The following LMTK2 variants were observed in gnomAD, a reference collection of about 807,000 sequenced individuals.
The protein encoded by LMTK2 is serine/threonine-protein kinase LMTK2.
LMTK2 carries 37 observed loss-of-function variants against 127.5 expected under a neutral mutation model. The ratio of observed to expected loss-of-function variants is 0.29; its 90% CI spans 0.22 to 0.38. The LOEUF is 0.38. Ranked by LOEUF, LMTK2 falls within the 10% of genes least tolerant of loss-of-function variation. LMTK2 has a pLI of 1.00. For synonymous variants in LMTK2, 819 were observed against 810.1 expected, an observed-to-expected ratio of 1.01 and a Z score of -0.19; for missense variants, 1,694 against 1,920.3, an observed-to-expected ratio of 0.88 and a Z score of 2.20.
Position 98,192,503 on chromosome 7 carries a change from G to A in LMTK2, c.2038G>A (p.Val680Ile). The stretch of plus-strand genomic sequence containing the variant: ...CAGTTTGGATAACCCCAAAGAGTCA[G>A]TCATAACAGGCCACTTTGAGAAAGA... ...SSSLDNPKES[V>I]ITGHFEKEKP... is the part of the protein sequence containing the mutation. The change falls in exon 11 of 14, where the codon GTC becomes ATC. Residue 680 changes from valine (V) to isoleucine (I), a missense_variant. By Grantham distance (29) the Val-to-Ile change is conservative. Transcript: ENST00000297293. The A allele has an allele frequency of 6.2e-7, 1 of 1,611,522 alleles. No homozygotes were observed. The highest frequency in any genetic ancestry group is 8.5e-7 in the Non-Finnish European group (1 of 1,179,426).
intron 11 of LMTK2, among the ~76,000 whole-genome samples, chr7:98,203,125 C>T (rs1242851447): frequency 6.6e-6 from 1 of 152,198 alleles, no homozygotes; most frequent in East Asian, 1.9e-4. Context: ...GCTGGAATTC[C>T]CCCTTCTCTT....
Position 98,126,873 on chromosome 7 carries a change from C to T in LMTK2, c.104-10442C>T, listed in dbSNP as rs74719583. On this transcript the variant is annotated intron_variant, in intron 1 of 13. Transcript: ENST00000297293. The stretch of plus-strand genomic sequence containing the variant: ...GGAACTCTTCCCTGTCTGTGATTAG[C>T]ACACAGAGCGATCTGTTTCTCTAGG... The T allele has an allele frequency of 1.8e-4, 27 of 152,320 alleles. No homozygotes were observed. The East Asian group carries it at 4.2e-3, about 24-fold the overall frequency. The allele number at this position is 152,320 out of a possible 1,614,324, so 9.4% of individuals were successfully genotyped here.
chr7:98,139,502 A>G (rs1332248029), intron 2 of LMTK2, among the ~76,000 whole-genome samples: 1 of 152,128 alleles, frequency 6.6e-6, no homozygotes, highest in Non-Finnish European at 1.5e-5. Context: ...GCTGCTGCCA[A>G]ATTTTGAATG....
chr7:98,184,824 CT>C (rs764031559), intron 7 of LMTK2, among the ~76,000 whole-genome samples: 106 of 152,316 alleles, frequency 7.0e-4, no homozygotes, highest in African/African-American at 2.2e-3. Context: ...AGTATTTAAC[CT>C]GAGCTAGTTA....
Position 98,191,784 on chromosome 7 carries a change from A to C in LMTK2, c.1319A>C (p.Asn440Thr). 1 of 1,614,170 alleles carries C rather than the reference A, an allele frequency of 6.2e-7. No individual in the cohort carries two copies. The highest frequency in any genetic ancestry group is 8.5e-7 in the Non-Finnish European group (1 of 1,180,026). ...AACACAAACAGCAGAGACTCCTCCA[A>C]CAATGCTGCATTCCCAATTCTCGAC... ...KPNTNSRDSS[N>T]NAAFPILDHF... The change falls in exon 11 of 14, where the codon AAC becomes ACC. Residue 440 changes from asparagine to threonine, a missense_variant. Coordinates refer to ENST00000297293, the MANE Select transcript of LMTK2 (RefSeq NM_014916.4).
chr7:98,157,430 A>G (rs1016912748), intron 5 of LMTK2, among the ~76,000 whole-genome samples: 24 of 152,154 alleles, frequency 1.6e-4, no homozygotes, highest in Non-Finnish European at 1.5e-5. Context: ...GTGACACACA[A>G]AATTAACCGT....
chr7:98,129,107 G>C (rs1524267), intron 1 of LMTK2, among the ~76,000 whole-genome samples: 151,529 of 152,262 alleles, frequency 1, 75,403 homozygotes, highest in Middle Eastern at 1. Context: ...CAGTCTCACT[G>C]TGTCACCCAG....
At chr7:98,140,618 G>T (rs959869516) in intron 2 of LMTK2, among the ~76,000 whole-genome samples, 20 of 151,932 alleles carry the variant, frequency 1.3e-4, no homozygotes, top group South Asian at 4.2e-4. Context: ...CAGAGAAATA[G>T]AACTCACTTA....
rs1797742644 is a variant in LMTK2, at chr7:98,203,667, A to C, written c.4201A>C (p.Ser1401Arg). 2.5e-6 allele frequency: 4 copies of C among 1,613,854 alleles called. No homozygotes were observed. The East Asian group carries it at 8.9e-5, about 36-fold the overall frequency. The change falls in exon 12 of 14, where the codon AGC (serine) becomes CGC (arginine). Residue 1401 changes from serine (S) to arginine (R), a missense_variant. This residue lies in a region of LMTK2 where 554 missense variants were observed against 567.7 expected (regional missense o/e 0.98). Coordinates refer to ENST00000297293, the MANE Select transcript of LMTK2 (RefSeq NM_014916.4). ...PAPASGSPYL[S>R]RCINSESSTD... ...CCCAGCCTCAGGCTCTCCCTACCTG[A>C]GCAGGTGCATCAACTCCGAAAGCTC...
chr7:98,157,433 TTAACC>T (rs1796943026), intron 5 of LMTK2, among the ~76,000 whole-genome samples: 1 of 152,068 alleles, frequency 6.6e-6, no homozygotes. Flanking sequence ...ACACACAAAA[TTAACC>T]GTCACATCAT....
At chr7:98,122,576 G>A (rs1258990377) in intron 1 of LMTK2, among the ~76,000 whole-genome samples, 1 of 151,856 alleles carries the variant, frequency 6.6e-6, no homozygotes, top group East Asian at 1.9e-4. Flanking sequence ...CCCTTTCCTG[G>A]CAGCTGCAGC....
intron 3 of LMTK2, among the ~76,000 whole-genome samples, chr7:98,147,968 C>CT (rs1469158310): frequency 6.6e-6 from 1 of 151,962 alleles, no homozygotes; most frequent in Non-Finnish European, 1.5e-5. Flanking sequence ...AATTCCAGCA[C>CT]TTTGAGAGGC....
intron 6 of LMTK2, among the ~76,000 whole-genome samples, chr7:98,170,075 A>G (rs1182388045): frequency 6.6e-6 from 1 of 152,226 alleles, no homozygotes; most frequent in East Asian, 1.9e-4. Context: ...TTCACTTGCT[A>G]AATAGACCTT....
At chr7:98,120,419 A>G (rs1796344348) in intron 1 of LMTK2, among the ~76,000 whole-genome samples, 1 of 152,182 alleles carries the variant, frequency 6.6e-6, no homozygotes, top group Admixed American at 6.6e-5. Flanking sequence ...TCTTGGACTT[A>G]GAAGATAAAG....
intron 11 of LMTK2, among the ~76,000 whole-genome samples, chr7:98,203,317 TGC>T (rs1271524433): frequency 6.6e-6 from 1 of 152,246 alleles, no homozygotes; most frequent in African/African-American, 2.4e-5. Context: ...CTGCCGCTCG[TGC>T]CCGCCTGCCT....
At chr7:98,107,784 A>G (rs530638768) in intron 1 of LMTK2, among the ~76,000 whole-genome samples, 12 of 152,282 alleles carry the variant, frequency 7.9e-5, no homozygotes, top group African/African-American at 2.9e-4. Context: ...TTCGGAATGT[A>G]TCTCCGGGGA....
chr7:98,146,006 A>G (rs560492897), intron 3 of LMTK2, among the ~76,000 whole-genome samples: 87 of 152,206 alleles, frequency 5.7e-4, no homozygotes, highest in Admixed American at 9.2e-4. Flanking sequence ...GTAAGGATCC[A>G]CCTTAATTCT....
intron 1 of LMTK2, among the ~76,000 whole-genome samples, chr7:98,107,587 TG>T (rs1796131913): frequency 6.6e-6 from 1 of 152,230 alleles, no homozygotes; most frequent in South Asian, 2.1e-4. Flanking sequence ...TATCGCTTCC[TG>T]GCAGTTCAGC....
chr7:98,116,856 G>A (rs1207613029), intron 1 of LMTK2, among the ~76,000 whole-genome samples: 1 of 152,208 alleles, frequency 6.6e-6, no homozygotes, highest in African/African-American at 2.4e-5. Flanking sequence ...TGTTTAGAGT[G>A]ACCTGGACAG....
Sources: gnomAD v4.1 joint callset for allele counts (sites outside exome capture counted in the v4.1 genomes callset) on GRCh38, gnomAD v4.1.1 for gene constraint, gnomAD v4.1.1 regional missense constraint, MANE v1.5 for transcripts, NCBI Gene and HGNC (gene_info 2026-07-23, HGNC 2026-07-21) for gene names.